CKAP2L: variants seen among roughly 807,000 people sequenced by gnomAD.
CKAP2L encodes the protein cytoskeleton-associated protein 2-like.
Under a neutral mutation model 65.7 loss-of-function variants are expected in CKAP2L, and 42 were observed. That is an observed-to-expected ratio of 0.64 (90% confidence interval 0.50 to 0.83). The LOEUF (loss-of-function observed/expected upper bound fraction) is 0.83. Among genes scored for constraint, CKAP2L ranks in the 40% least tolerant of loss-of-function variants. The pLI is 0.00. For synonymous variants in CKAP2L, 325 were observed against 313.5 expected (o/e 1.04, Z -0.39); for missense variants, 908 against 871.0 (o/e 1.04, Z -0.53).
At chr2:112,739,561 C>A (rs778584530) in intron 8 of CKAP2L, among the ~76,000 whole-genome samples, 1 of 152,184 alleles carries the variant, frequency 6.6e-6, no homozygotes, top group Non-Finnish European at 1.5e-5. Context: ...AGTTGGTGTT[C>A]ATTTATTCTA....
intron 6 of CKAP2L, among the ~76,000 whole-genome samples, chr2:112,744,518 C>T (rs1680138334): frequency 6.6e-6 from 1 of 152,180 alleles, no homozygotes; most frequent in African/African-American, 2.4e-5. Context: ...TCCCTTCATC[C>T]TAACAGAAAA....
chr2:112,744,035 A>G (rs1680120046), intron 6 of CKAP2L, among the ~76,000 whole-genome samples: 1 of 152,236 alleles, frequency 6.6e-6, no homozygotes, highest in Non-Finnish European at 1.5e-5. Context: ...TTTTTTCAAA[A>G]TCCAAAATAG....
intron 4 of CKAP2L, among the ~76,000 whole-genome samples, chr2:112,754,340 T>C (rs1680469471): frequency 6.6e-6 from 1 of 152,232 alleles, no homozygotes; most frequent in African/African-American, 2.4e-5. Flanking sequence ...CCATGCAATA[T>C]TTATTATTTC....
chr2:112,750,496 T>C (rs1574330199), intron 5 of CKAP2L, among the ~76,000 whole-genome samples: 1 of 152,220 alleles, frequency 6.6e-6, no homozygotes, highest in East Asian at 1.9e-4. Flanking sequence ...AGAGCTCCCC[T>C]GTGGGGCTGT....
intron 7 of CKAP2L, among the ~76,000 whole-genome samples, chr2:112,742,131 A>G (rs1412813623): frequency 6.6e-5 from 10 of 152,172 alleles, no homozygotes; most frequent in African/African-American, 2.4e-4. Context: ...ACCTTTTAAG[A>G]TAACAAGAAG....
chr2:112,760,732 T>C lies in CKAP2L; in HGVS notation c.137A>G (p.Asn46Ser). Reference sequence around the variant, plus strand: ...ACTTACAGATTTAGAAGGTGGTTGATTCTGGCAATTATTCTTGGATTTTAG... The same window carrying C: ...ACTTACAGATTTAGAAGGTGGTTGACTCTGGCAATTATTCTTGGATTTTAG... The part of the protein sequence containing the change: ...PYLKSKNNCQ[N>S]QPPSKSTIRP... The change falls in exon 3 of 9, where the codon AAT becomes AGT. Residue 46 changes from asparagine (N) to serine (S), a missense_variant. Transcript: ENST00000302450. 6.6e-7 allele frequency: 1 copy of C among 1,509,776 alleles called. No homozygotes were observed. The highest frequency in any genetic ancestry group is 9.1e-7 in the Non-Finnish European group (1 of 1,097,976). 93.5% of individuals were successfully genotyped at this position (1,509,776 alleles called of 1,614,324 possible). A position where few individuals can be genotyped will look rare whatever the true frequency, so the allele number is the denominator to read the frequency against.
chr2:112,752,112 T>C (rs1680387515), intron 5 of CKAP2L, among the ~76,000 whole-genome samples, 155 bp downstream of exon 5: 1 of 152,226 alleles, frequency 6.6e-6, no homozygotes, highest in South Asian at 2.1e-4. Flanking sequence ...AGACACTGTT[T>C]ATGGGCATGT....
In CKAP2L at chr2:112,756,826, T is replaced by G; in HGVS notation, c.545A>C (p.Glu182Ala). 6.2e-7 allele frequency: 1 copy of G among 1,601,494 alleles called. No homozygotes were observed. The highest frequency in any genetic ancestry group is 1.1e-5 in the South Asian group (1 of 88,352). Residue 182 changes from glutamate (E) to alanine (A), a missense_variant, in exon 4 of 9, where the codon GAA becomes GCA. By Grantham distance (107) the Glu-to-Ala change is moderately radical. Transcript: ENST00000302450. ...ENESLDNFLK[E>A]TNKENLLDIL... ...ATCGAGCAAGTTCTCTTTGTTTGTT[T>G]CTTTTAGAAAGTTATCCAAAGATTC... is the stretch of plus-strand genomic sequence containing the variant.
At chr2:112,747,363 TC>T (rs1680233076) in intron 5 of CKAP2L, among the ~76,000 whole-genome samples, 7 of 111,910 alleles carry the variant, frequency 6.3e-5, no homozygotes, top group African/African-American at 2.5e-4. Context: ...ACAAAACAAA[TC>T]CTAGAGTAAA....
chr2:112,762,356 G>C, intron 2 of CKAP2L, 147 bp downstream of exon 2: 2 of 647,496 alleles, frequency 3.1e-6, no homozygotes, highest in Non-Finnish European at 5.6e-6. Context: ...TGTCATGCCT[G>C]GACTGAAATG....
chr2:112,756,390 T>C lies in CKAP2L; in HGVS notation c.981A>G (p.Arg327=). The change falls in exon 4 of 9, where the codon AGA becomes AGG. Residue 327 remains arginine, a synonymous_variant. Coordinates refer to ENST00000302450, the MANE Select transcript of CKAP2L (RefSeq NM_152515.5). ...KIRSYPVTEQ[R]VKHTKPRTYP... is the part of the protein sequence containing the mutation. ...ATGTTCTGGGTTTGGTGTGCTTCACTCTCTGTTCAGTAACAGGGTATGACC... is the reference window on the plus strand; with the variant it reads ...ATGTTCTGGGTTTGGTGTGCTTCACCCTCTGTTCAGTAACAGGGTATGACC... 1.2e-6 allele frequency: 2 copies of C among 1,614,056 alleles called. No homozygotes were observed. Among genetic ancestry groups the C allele is most frequent in the Non-Finnish European group, 1.7e-6 (2 of 1,179,974 alleles).
intron 3 of CKAP2L, among the ~76,000 whole-genome samples, chr2:112,759,153 T>C (rs1026091170): frequency 6.6e-6 from 1 of 152,210 alleles, no homozygotes; most frequent in Non-Finnish European, 1.5e-5. Flanking sequence ...AGTAAAAGTA[T>C]CTATTATCTA....
rs184384634 is a variant in CKAP2L, at chr2:112,763,066, G to A, written c.38-497C>T. Among the ~76,000 whole-genome samples, 997 of 152,280 alleles carry A rather than the reference G, an allele frequency of 6.5e-3. 10 individuals are homozygous for A. Among genetic ancestry groups the A allele is most frequent in the African/African-American group, 0.023 (946 of 41,538 alleles). ...CTCCCAAAGTGCTAGGATTACAGGC[G>A]TAAGTCAAAGCACTCGGCCTAAATT... On this transcript the variant is annotated intron_variant, in intron 1 of 8. Transcript: ENST00000302450.
At chr2:112,764,177 C>T (rs7594852) in intron 1 of CKAP2L, 124,139 of 272,842 alleles carry the variant, frequency 0.45, 29,064 homozygotes, top group Middle Eastern at 0.53. Flanking sequence ...CGCCTCCTGG[C>T]ACAGAGGACC....
At chr2:112,764,239 C>G in intron 1 of CKAP2L, 1 of 425,160 alleles carries the variant, frequency 2.4e-6, no homozygotes, top group South Asian at 2.4e-5. Context: ...GCGCAGCTTC[C>G]CACTGCTGGT....
Position 112,756,003 on chromosome 2 carries a change from T to C in CKAP2L, c.1368A>G (p.Lys456=), listed in dbSNP as rs1234927301. The change falls in exon 4 of 9, where the codon AAA becomes AAG. Residue 456 remains lysine, a synonymous_variant. Transcript: ENST00000302450. ...TTCGATCCTCTGCTGTTGCCTTCTT[T>C]TTAATATTTGGGTTTGTTTGGGTCC... ...VNGTQTNPNI[K]KKATAEDRRK... The C allele has an allele frequency of 6.3e-7, 1 of 1,590,072 alleles. No homozygotes were observed. Among genetic ancestry groups the C allele is most frequent in the East Asian group, 2.2e-5 (1 of 44,686 alleles).
chr2:112,757,325 C>A, intron 3 of CKAP2L, 111 bp from the exon 4 acceptor site: 1 of 742,982 alleles, frequency 1.3e-6, no homozygotes, highest in Non-Finnish European at 2.0e-6. Flanking sequence ...TTTAGAATTT[C>A]ATCTAAGAAA....
Position 112,756,308 on chromosome 2 carries a change from G to T in CKAP2L, c.1063C>A (p.Gln355Lys). The T allele has an allele frequency of 6.2e-7, 1 of 1,613,894 alleles. No individual in the cohort carries two copies. Among genetic ancestry groups the T allele is most frequent in the Non-Finnish European group, 8.5e-7 (1 of 1,179,914 alleles). Residue 355 changes from glutamine to lysine, a missense_variant, in exon 4 of 9, where the codon CAG becomes AAG. Coordinates refer to ENST00000302450, the MANE Select transcript of CKAP2L (RefSeq NM_152515.5). ...GGTATACAAACTTGGCTGGACTTCT[G>T]ATCTTGCTTGATGTTTGGATGTCTG... Reference protein sequence around the residue: ...NNRHPNIKQDQKSSQVCIPQT... With the variant: ...NNRHPNIKQDKKSSQVCIPQT...
intron 5 of CKAP2L, among the ~76,000 whole-genome samples, chr2:112,749,168 G>C (rs1237053494): frequency 6.6e-6 from 1 of 152,120 alleles, no homozygotes; most frequent in Non-Finnish European, 1.5e-5. Context: ...GCATTTATAT[G>C]AGACATACCT....
Sources: gnomAD v4.1 joint callset for allele counts (sites outside exome capture counted in the v4.1 genomes callset) on GRCh38, gnomAD v4.1.1 for gene constraint, MANE v1.5 for transcripts, NCBI Gene and HGNC (gene_info 2026-07-23, HGNC 2026-07-21) for gene names.